The following MAGI2 variants were observed in gnomAD, a reference collection of about 807,000 sequenced individuals.
MAGI2 encodes the protein membrane-associated guanylate kinase, WW and PDZ domain-containing protein 2.
A neutral mutation model predicts 133.3 loss-of-function variants in MAGI2; 35 were observed. That is an observed-to-expected ratio of 0.26 (90% CI 0.20 to 0.35). The LOEUF is 0.35. Among genes scored for constraint, MAGI2 ranks in the 10% least tolerant of loss-of-function variants. MAGI2 has a pLI of 1.00. For synonymous variants in MAGI2, 729 were observed against 710.6 expected, an observed-to-expected ratio of 1.03 and a Z score of -0.41; for missense variants, 1,636 against 1,863.4, an observed-to-expected ratio of 0.88 and a Z score of 2.25.
intron 6 of MAGI2, among the ~76,000 whole-genome samples, chr7:78,377,653 T>TAAAAAAA (rs1554376216): frequency 2.0e-5 from 3 of 150,410 alleles, no homozygotes; most frequent in Non-Finnish European, 4.4e-5. Context: ...ATAATAATAA[T>TAAAAAAA]AATAAAAAAT....
At chr7:79,014,513 C>T (rs1310960230) in intron 1 of MAGI2, among the ~76,000 whole-genome samples, 1 of 152,064 alleles carries the variant, frequency 6.6e-6, no homozygotes, top group East Asian at 1.9e-4. Context: ...AATTACCTAA[C>T]TCTTACAAAT....
chr7:78,436,198 G>A (rs1170337876), intron 6 of MAGI2, among the ~76,000 whole-genome samples: 2 of 152,164 alleles, frequency 1.3e-5, no homozygotes, highest in African/African-American at 4.8e-5. Context: ...GGGTTGGAGA[G>A]GAAGGCCCTG....
chr7:78,643,964 A>G (rs1030745454), intron 2 of MAGI2, among the ~76,000 whole-genome samples: 2 of 152,150 alleles, frequency 1.3e-5, no homozygotes, highest in African/African-American at 4.8e-5. Context: ...AAATATAATA[A>G]TGCAAAAAAA....
At chr7:79,365,397 T>G (rs986480709) in intron 1 of MAGI2, among the ~76,000 whole-genome samples, 3 of 118,260 alleles carry the variant, frequency 2.5e-5, no homozygotes, top group African/African-American at 1.2e-4. Context: ...GAATAATAAT[T>G]TATGTTCACA....
chr7:79,085,914 A>G (rs369378685), intron 1 of MAGI2, among the ~76,000 whole-genome samples: 10 of 152,084 alleles, frequency 6.6e-5, no homozygotes, highest in African/African-American at 2.4e-4. Context: ...CTTAGCCTTC[A>G]TGTGCTACTT....
intron 9 of MAGI2, among the ~76,000 whole-genome samples, chr7:78,277,159 A>C (rs1397973711): frequency 6.6e-6 from 1 of 152,168 alleles, no homozygotes; most frequent in Admixed American, 6.6e-5. Flanking sequence ...CCATTTAATA[A>C]ATATGAAGTC....
rs147285108 is a variant in MAGI2, at chr7:79,111,045, C to T, written c.302-103839G>A. On this transcript the variant is annotated intron_variant, in intron 1 of 21. Coordinates refer to ENST00000354212, the MANE Select transcript of MAGI2 (RefSeq NM_012301.4). The stretch of plus-strand genomic sequence containing the variant: ...GATGCCAGCAGCCTCCAGTATTTCT[C>T]AGGTATTTCTTTATAGCAGTGCAAG... Among the ~76,000 whole-genome samples, 403 of 152,290 alleles carry T rather than the reference C, an allele frequency of 2.6e-3. 2 individuals carry two copies. Among genetic ancestry groups the T allele is most frequent in the African/African-American group, 8.8e-3 (367 of 41,564 alleles).
intron 1 of MAGI2, among the ~76,000 whole-genome samples, chr7:79,165,831 A>C (rs1037020454): frequency 2.6e-5 from 4 of 152,112 alleles, no homozygotes; most frequent in Non-Finnish European, 5.9e-5. Flanking sequence ...ACATATTACA[A>C]ATTTTATAAT....
At chr7:78,965,752 C>G (rs1253892232) in intron 2 of MAGI2, among the ~76,000 whole-genome samples, 1 of 152,018 alleles carries the variant, frequency 6.6e-6, no homozygotes, top group African/African-American at 2.4e-5. Context: ...TAGCTTGTTG[C>G]AATGATTCAA....
intron 1 of MAGI2, among the ~76,000 whole-genome samples, chr7:79,058,323 C>A (rs1003202102): frequency 6.6e-6 from 1 of 152,028 alleles, no homozygotes; most frequent in African/African-American, 2.4e-5. Flanking sequence ...GCCAAGATAA[C>A]TAATACACTT....
In MAGI2 at chr7:78,318,244, G is replaced by A. The variant is rs982199243; in HGVS notation, c.1408+25534C>T. On this transcript the variant is annotated intron_variant, in intron 9 of 21. Coordinates refer to ENST00000354212, the MANE Select transcript of MAGI2 (RefSeq NM_012301.4). Reference sequence around the variant, plus strand: ...ACCTTGAAAAAAGGTTAGACGAATCGCTAACTAGAATAACCAGTTTAGAGA... The same window carrying A: ...ACCTTGAAAAAAGGTTAGACGAATCACTAACTAGAATAACCAGTTTAGAGA... Among the ~76,000 whole-genome samples the A allele has an allele frequency of 1.4e-4, 22 of 152,116 alleles. 1 individual carries two copies. Among genetic ancestry groups the A allele is most frequent in the Middle Eastern group, 3.2e-3 (1 of 316 alleles).
chr7:78,346,455 G>A (rs1405097962), intron 7 of MAGI2, among the ~76,000 whole-genome samples: 1 of 152,212 alleles, frequency 6.6e-6, no homozygotes, highest in Non-Finnish European at 1.5e-5. Context: ...CAGGATAAAT[G>A]TGAGGTAAAT....
chr7:79,225,088 C>T (rs1242354260), intron 1 of MAGI2, among the ~76,000 whole-genome samples: 1 of 152,018 alleles, frequency 6.6e-6, no homozygotes, highest in African/African-American at 2.4e-5. Context: ...CCTTTAAGAC[C>T]TCAACCTTAA....
chr7:79,011,239 A>G (rs372109508), intron 1 of MAGI2, among the ~76,000 whole-genome samples: 15 of 152,260 alleles, frequency 9.9e-5, no homozygotes, highest in African/African-American at 3.6e-4. Context: ...ATTTTCAGGA[A>G]TGCCCTCAGT....
intron 1 of MAGI2, among the ~76,000 whole-genome samples, chr7:79,184,957 A>G (rs1274284400): frequency 6.6e-6 from 1 of 151,842 alleles, no homozygotes; most frequent in Non-Finnish European, 1.5e-5. Context: ...GGCACCAATC[A>G]ATGAAGGAAA....
intron 1 of MAGI2, chr7:79,125,660 T>A (rs1024140146): frequency 7.6e-6 from 4 of 529,536 alleles, no homozygotes; most frequent in African/African-American, 5.7e-5. Context: ...ATTACAACAA[T>A]CAATCTTTAA....
At chr7:78,427,253 T>C (rs1799367022) in intron 6 of MAGI2, among the ~76,000 whole-genome samples, 1 of 152,132 alleles carries the variant, frequency 6.6e-6, no homozygotes. Flanking sequence ...TCAGTAATTA[T>C]ATTAAATGAA....
chr7:79,382,971 A>C (rs995799584), intron 1 of MAGI2, among the ~76,000 whole-genome samples: 1 of 151,670 alleles, frequency 6.6e-6, no homozygotes, highest in Non-Finnish European at 1.5e-5. Flanking sequence ...AATATAAAAT[A>C]AGTTCTCAAT....
At chr7:78,097,765 C>T (rs1817844009) in intron 20 of MAGI2, among the ~76,000 whole-genome samples, 1 of 152,082 alleles carries the variant, frequency 6.6e-6, no homozygotes, top group Non-Finnish European at 1.5e-5. Context: ...ACCCCCATGA[C>T]ACATCTTTAC....
Sources: gnomAD v4.1 joint callset for allele counts (sites outside exome capture counted in the v4.1 genomes callset) on GRCh38, gnomAD v4.1.1 for gene constraint, MANE v1.5 for transcripts, NCBI Gene and HGNC (gene_info 2026-07-23, HGNC 2026-07-21) for gene names.